Variants in ESR1 observed in about 807,000 individuals in gnomAD.
ESR1 encodes the protein estrogen receptor.
Under a neutral mutation model 52.7 loss-of-function variants are expected in ESR1, and 12 were observed. The observed-to-expected ratio is 0.23, with a 90% CI of 0.15 to 0.37. The LOEUF (loss-of-function observed/expected upper bound fraction) is 0.37. Ranked by LOEUF, ESR1 falls within the 10% of genes least tolerant of loss-of-function variation. ESR1 has a pLI of 1.00. For synonymous variants in ESR1, 305 were observed against 316.8 expected, an observed-to-expected ratio of 0.96 and a Z score of 0.39; for missense variants, 584 against 779.7, an observed-to-expected ratio of 0.75 and a Z score of 2.99.
At chr6:151,956,543 C>G (rs960582274) in intron 4 of ESR1, among the ~76,000 whole-genome samples, 1 of 151,964 alleles carries the variant, frequency 6.6e-6, no homozygotes, top group African/African-American at 2.4e-5. Flanking sequence ...TTTTATTTTC[C>G]CCATTGTATG....
intron 5 of ESR1, among the ~76,000 whole-genome samples, chr6:152,027,491 T>C (rs1015938598): frequency 6.6e-6 from 1 of 152,200 alleles, no homozygotes; most frequent in Non-Finnish European, 1.5e-5. Context: ...CTTTTTTCTT[T>C]GGTTTAAAAA....
At chr6:151,883,672 G>A (rs1793346663) in intron 3 of ESR1, among the ~76,000 whole-genome samples, 1 of 152,096 alleles carries the variant, frequency 6.6e-6, no homozygotes, top group South Asian at 2.1e-4. Context: ...GTTCATAACA[G>A]GCTGCCCTCC....
intron 2 of ESR1, among the ~76,000 whole-genome samples, chr6:151,705,056 C>A (rs1265080056): frequency 6.6e-6 from 1 of 151,898 alleles, no homozygotes; most frequent in Non-Finnish European, 1.5e-5. Context: ...CTCAGACTTC[C>A]ACTGTGAAAT....
chr6:151,770,766 G>T (rs1007840229), intron 2 of ESR1, among the ~76,000 whole-genome samples: 5 of 151,776 alleles, frequency 3.3e-5, no homozygotes, highest in Non-Finnish European at 5.9e-5. Context: ...CAAAGATTTT[G>T]TCACAATGGG....
intron 2 of ESR1, among the ~76,000 whole-genome samples, chr6:151,862,053 CTAA>C (rs1476105038): frequency 9.9e-5 from 15 of 152,092 alleles, no homozygotes; most frequent in Non-Finnish European, 2.2e-4. Context: ...GATTTAATAT[CTAA>C]TAATAATAGT....
chr6:151,949,075 C>G (rs78927208), intron 4 of ESR1, among the ~76,000 whole-genome samples: 2,337 of 152,312 alleles, frequency 0.015, 23 homozygotes, highest in Non-Finnish European at 0.027. Flanking sequence ...CCTTTTTCCT[C>G]TCCTCAAAAT....
At chr6:151,895,566 G>A (rs191264850) in intron 3 of ESR1, among the ~76,000 whole-genome samples, 3 of 152,214 alleles carry the variant, frequency 2.0e-5, no homozygotes, top group East Asian at 3.9e-4. Flanking sequence ...CTTGTATACC[G>A]ATTTTGCTGA....
At chr6:151,726,459 G>A (rs1252270955) in intron 2 of ESR1, among the ~76,000 whole-genome samples, 1 of 152,024 alleles carries the variant, frequency 6.6e-6, no homozygotes, top group African/African-American at 2.4e-5. Context: ...AGCCTCCCGA[G>A]TAGCTGGGAC....
chr6:152,021,594 G>T (rs1015712349), intron 5 of ESR1, among the ~76,000 whole-genome samples: 1 of 152,110 alleles, frequency 6.6e-6, no homozygotes, highest in Non-Finnish European at 1.5e-5. Flanking sequence ...CCAATTCTGA[G>T]ATCCATCATG....
chr6:151,888,146 C>G (rs1794160451), intron 3 of ESR1, among the ~76,000 whole-genome samples: 1 of 152,050 alleles, frequency 6.6e-6, no homozygotes, highest in African/African-American at 2.4e-5. Context: ...TTTGGCTATT[C>G]AGGGTTTTTT....
downstream of ESR1, among the ~76,000 whole-genome samples, chr6:152,106,949 G>T (rs539753485): frequency 7.3e-4 from 106 of 145,668 alleles, 1 homozygote; most frequent in African/African-American, 2.6e-3. Context: ...GGCCTCCATT[G>T]CTTCCAATAC....
chr6:151,719,008 T>G (rs886508989), intron 2 of ESR1, among the ~76,000 whole-genome samples: 1 of 152,152 alleles, frequency 6.6e-6, no homozygotes. Flanking sequence ...ATTCTTCCCT[T>G]CGTCACGTCC....
At chr6:151,878,982 G>C (rs57773339) in intron 2 of ESR1, among the ~76,000 whole-genome samples, 1 of 152,106 alleles carries the variant, frequency 6.6e-6, no homozygotes, top group Non-Finnish European at 1.5e-5. Flanking sequence ...TGTTGGGAGC[G>C]TACATTCTGA....
chr6:151,685,352 C>T (rs1394089491), intron 1 of ESR1, among the ~76,000 whole-genome samples: 2 of 151,568 alleles, frequency 1.3e-5, no homozygotes, highest in African/African-American at 4.9e-5. Context: ...CCAGGATGGT[C>T]TCGATCTCCT....
intron 2 of ESR1, among the ~76,000 whole-genome samples, chr6:151,774,591 T>A (rs1785795302): frequency 6.6e-6 from 1 of 152,222 alleles, no homozygotes; most frequent in South Asian, 2.1e-4. Flanking sequence ...ATGTTATTGC[T>A]TTTGTCCACC....
rs1331611436 is a variant in ESR1, at chr6:152,122,483, A to C, written c.851-2783A>C. 1.9e-6 allele frequency: 3 copies of C among 1,614,188 alleles called. No individual in the cohort carries two copies. The Admixed American group carries it at 5.0e-5, about 27-fold the overall frequency. ...GTGTATCTGAGCATGGGGTGGAATG[A>C]CCGGGCAAAGTTGTTGGAGAGGGCA... On this transcript the variant is annotated intron_variant, in intron 6 of 6. Coordinates refer to the ESR1 transcript ENST00000427531.
intron 1 of ESR1, among the ~76,000 whole-genome samples, chr6:151,838,071 C>T (rs984300549): frequency 5.9e-5 from 9 of 152,208 alleles, no homozygotes; most frequent in Admixed American, 5.2e-4. Flanking sequence ...GCAATCATAG[C>T]TCACTGCAGC....
intron 3 of ESR1, among the ~76,000 whole-genome samples, chr6:151,895,394 C>A (rs1191818428): frequency 6.6e-6 from 1 of 152,096 alleles, no homozygotes; most frequent in Non-Finnish European, 1.5e-5. Flanking sequence ...TTATTTCTTT[C>A]TCTTGTCTGC....
intron 4 of ESR1, among the ~76,000 whole-genome samples, chr6:151,952,695 A>G (rs897088072): frequency 1.3e-5 from 2 of 152,110 alleles, no homozygotes; most frequent in Non-Finnish European, 2.9e-5. Context: ...CCTTCATGGT[A>G]TATTTGTTGC....
Sources: allele counts gnomAD v4.1 joint callset (sites outside exome capture counted in the v4.1 genomes callset), GRCh38; gene constraint gnomAD v4.1.1; transcripts MANE v1.5; gene names NCBI Gene and HGNC (gene_info 2026-07-23, HGNC 2026-07-21).